Variants in ADIPOR2 observed in about 807,000 individuals in gnomAD.
ADIPOR2 encodes the protein adiponectin receptor protein 2.
In ADIPOR2, 18 loss-of-function variants were observed where a neutral mutation model predicts 40.9. The ratio of observed to expected loss-of-function variants is 0.44; its 90% CI spans 0.30 to 0.65. ADIPOR2 has a LOEUF of 0.65. Among genes scored for constraint, ADIPOR2 ranks in the 30% least tolerant of loss-of-function variants. The pLI is 0.09. For missense variants in ADIPOR2, 283 were observed against 479.2 expected (o/e 0.59, Z 3.82); for synonymous variants, 165 against 166.4 (o/e 0.99, Z 0.06).
chr12:1,740,377 C>G lies in ADIPOR2; in HGVS notation c.-86-13881C>G, dbSNP rs61518726. 7.9e-3 allele frequency among the ~76,000 whole-genome samples: 1,196 copies of G among 152,286 alleles called. 43 individuals carry two copies. The South Asian group carries it at 0.08, about 10-fold the overall frequency. On this transcript the variant is annotated intron_variant, in intron 1 of 7. Transcript: ENST00000357103. ...TGTCAGCAGGTTTGGTTTCTCCTAT[C>G]ACCCCTCTCCTTGGCTTGCAATTGT...
At chr12:1,760,999 G>A (rs1862256206) in intron 2 of ADIPOR2, 1 of 152,092 alleles carries the variant, frequency 6.6e-6, no homozygotes, top group Admixed American at 6.5e-5. Flanking sequence ...AATACACTAA[G>A]ATATTTTGAG....
chr12:1,781,221 G>GT (rs1565659579), intron 6 of ADIPOR2, 145 bp downstream of exon 6: 3 of 886,680 alleles, frequency 3.4e-6, no homozygotes, highest in African/African-American at 3.5e-5. Flanking sequence ...ATTGTTGGGG[G>GT]TTTTTTTATG....
At chr12:1,709,029 A>G (rs1231358067) in intron 1 of ADIPOR2, among the ~76,000 whole-genome samples, 1 of 152,132 alleles carries the variant, frequency 6.6e-6, no homozygotes, top group Admixed American at 6.6e-5. Flanking sequence ...CTGCATATCT[A>G]TACTTATGCC....
intron 1 of ADIPOR2, among the ~76,000 whole-genome samples, chr12:1,748,629 T>A (rs1287488410): frequency 6.6e-6 from 1 of 152,108 alleles, no homozygotes; most frequent in Non-Finnish European, 1.5e-5. Flanking sequence ...TTGAAGTTTT[T>A]TTTTTAAGTT....
intron 1 of ADIPOR2, among the ~76,000 whole-genome samples, chr12:1,704,907 T>G (rs1279148077): frequency 6.6e-6 from 1 of 152,168 alleles, no homozygotes; most frequent in African/African-American, 2.4e-5. Flanking sequence ...TGAGCAATAT[T>G]GATAAAGATT....
At chr12:1,785,363 T>A (rs944954508) in intron 7 of ADIPOR2, among the ~76,000 whole-genome samples, 1 of 152,208 alleles carries the variant, frequency 6.6e-6, no homozygotes, top group African/African-American at 2.4e-5. Flanking sequence ...TTTGACACAT[T>A]ATGTAGTTCA....
At chr12:1,746,386 G>C (rs979434823) in intron 1 of ADIPOR2, among the ~76,000 whole-genome samples, 1 of 152,234 alleles carries the variant, frequency 6.6e-6, no homozygotes, top group African/African-American at 2.4e-5. Context: ...TACTCAGGAA[G>C]CTGAGGCAGA....
chr12:1,747,581 C>A (rs1243944456), intron 1 of ADIPOR2, among the ~76,000 whole-genome samples: 1 of 152,070 alleles, frequency 6.6e-6, no homozygotes, highest in Non-Finnish European at 1.5e-5. Flanking sequence ...CAGGCTTTTG[C>A]ATTTCTTTTA....
At chr12:1,693,080 G>A (rs1375456034) in intron 1 of ADIPOR2, among the ~76,000 whole-genome samples, 2 of 152,060 alleles carry the variant, frequency 1.3e-5, no homozygotes, top group Non-Finnish European at 2.9e-5. Context: ...GTTTAAACCC[G>A]GGAGGTAGAG....
At chr12:1,729,248 T>C (rs1286942255) in intron 1 of ADIPOR2, among the ~76,000 whole-genome samples, 1 of 152,084 alleles carries the variant, frequency 6.6e-6, no homozygotes, top group African/African-American at 2.4e-5. Context: ...ATTGGAATAC[T>C]GGCTTTTGTG....
chr12:1,717,308 G>A (rs1211086915), intron 1 of ADIPOR2, among the ~76,000 whole-genome samples: 2 of 152,146 alleles, frequency 1.3e-5, no homozygotes, highest in Non-Finnish European at 2.9e-5. Flanking sequence ...CTCATATTAA[G>A]AGAAGTATTG....
chr12:1,741,093 G>A (rs1378492541), intron 1 of ADIPOR2, among the ~76,000 whole-genome samples: 1 of 152,154 alleles, frequency 6.6e-6, no homozygotes, highest in East Asian at 1.9e-4. Flanking sequence ...AGTTGAGGTT[G>A]GAGAGGTTGG....
At chr12:1,771,458 G>A (rs572369849) in intron 2 of ADIPOR2, among the ~76,000 whole-genome samples, 18 of 152,196 alleles carry the variant, frequency 1.2e-4, no homozygotes, top group Admixed American at 2.6e-4. Flanking sequence ...CACGAGTTTA[G>A]GATAGTTAAA....
intron 1 of ADIPOR2, among the ~76,000 whole-genome samples, chr12:1,701,557 A>G (rs937836949): frequency 6.6e-6 from 1 of 152,078 alleles, no homozygotes. Context: ...TTTCATGAAA[A>G]TTTTTTTGAT....
At chr12:1,746,452 C>T (rs538546142) in intron 1 of ADIPOR2, among the ~76,000 whole-genome samples, 1 of 152,038 alleles carries the variant, frequency 6.6e-6, no homozygotes, top group Non-Finnish European at 1.5e-5. Flanking sequence ...CAAGCCATTG[C>T]ACTCCACCCT....
At chr12:1,742,846 G>A (rs1418948910) in intron 1 of ADIPOR2, among the ~76,000 whole-genome samples, 1 of 152,120 alleles carries the variant, frequency 6.6e-6, no homozygotes, top group Non-Finnish European at 1.5e-5. Flanking sequence ...TGATATAGAG[G>A]GCTGACTGAA....
chr12:1,694,469 C>G (rs370926188), intron 1 of ADIPOR2, among the ~76,000 whole-genome samples: 1 of 152,116 alleles, frequency 6.6e-6, no homozygotes, highest in Non-Finnish European at 1.5e-5. Context: ...TTCTAGATTA[C>G]TTATAATACC....
intron 3 of ADIPOR2, 82 bp downstream of exon 3, chr12:1,773,043 T>A: frequency 6.8e-7 from 1 of 1,478,632 alleles, no homozygotes; most frequent in Non-Finnish European, 9.1e-7. Flanking sequence ...GTGGTAGTAC[T>A]ATAGCCTTTG....
intron 1 of ADIPOR2, among the ~76,000 whole-genome samples, chr12:1,692,075 C>T (rs1273125678): frequency 8.4e-6 from 1 of 118,618 alleles, no homozygotes; most frequent in East Asian, 2.6e-4. Context: ...CATTTCTGTT[C>T]CAAAAGCAGA....
Sources: gnomAD v4.1 joint callset for allele counts (sites outside exome capture counted in the v4.1 genomes callset) on GRCh38, gnomAD v4.1.1 for gene constraint, MANE v1.5 for transcripts, NCBI Gene and HGNC (gene_info 2026-07-23, HGNC 2026-07-21) for gene names.